PTPN13: variants seen among roughly 807,000 people sequenced by gnomAD.
The protein encoded by PTPN13 is protein tyrosine phosphatase non-receptor type 13, also known as tyrosine-protein phosphatase non-receptor type 13.
In PTPN13, 191 loss-of-function variants were observed where a neutral mutation model predicts 284.0. That is an observed-to-expected ratio of 0.67 (90% CI 0.60 to 0.76). The LOEUF (loss-of-function observed/expected upper bound fraction) is 0.76. PTPN13 is among the 30% of genes least tolerant of loss of function. The pLI is 0.00. For missense variants in PTPN13, 2,797 were observed against 2,939.9 expected, an observed-to-expected ratio of 0.95 and a Z score of 1.12; for synonymous variants, 986 against 1,022.3, an observed-to-expected ratio of 0.96 and a Z score of 0.68.
intron 2 of PTPN13, among the ~76,000 whole-genome samples, chr4:86,640,355 A>T (rs1355293052): frequency 6.6e-6 from 1 of 152,190 alleles, no homozygotes; most frequent in Non-Finnish European, 1.5e-5. Context: ...AATATACAGG[A>T]TGTAGCTATA....
intron 1 of PTPN13, among the ~76,000 whole-genome samples, chr4:86,611,898 ACAAGG>A (rs1719929392): frequency 1.3e-5 from 2 of 152,254 alleles, no homozygotes; most frequent in African/African-American, 4.8e-5. Flanking sequence ...CAGAGGCCTG[ACAAGG>A]AACCACACAA....
chr4:86,813,691 T>C (rs1745480801), intron 47 of PTPN13, among the ~76,000 whole-genome samples: 1 of 152,166 alleles, frequency 6.6e-6, no homozygotes, highest in Admixed American at 6.5e-5. Context: ...CCTCTGAGAT[T>C]ACAGGCATGA....
At chr4:86,668,762 A>ATTTT (rs776320959) in intron 2 of PTPN13, among the ~76,000 whole-genome samples, 3 of 112,304 alleles carry the variant, frequency 2.7e-5, no homozygotes, top group Non-Finnish European at 3.6e-5. Flanking sequence ...CGCCCAGCTA[A>ATTTT]TTTTTTTTTT....
At chr4:86,648,046 A>G (rs1724637118) in intron 2 of PTPN13, among the ~76,000 whole-genome samples, 1 of 152,190 alleles carries the variant, frequency 6.6e-6, no homozygotes, top group Admixed American at 6.5e-5. Flanking sequence ...TAAATTTAAA[A>G]TCTCAATGGA....
chr4:86,601,448 G>A (rs1426285664), intron 1 of PTPN13, among the ~76,000 whole-genome samples: 1 of 152,046 alleles, frequency 6.6e-6, no homozygotes, highest in South Asian at 2.1e-4. Context: ...ACAGTTTGTG[G>A]CATATAATTC....
intron 1 of PTPN13, among the ~76,000 whole-genome samples, chr4:86,612,061 T>C (rs1719957557): frequency 6.6e-6 from 1 of 152,220 alleles, no homozygotes; most frequent in African/African-American, 2.4e-5. Flanking sequence ...TAATTAGCCC[T>C]AGACTGAGTA....
At position 86,615,874 on chromosome 4, in the gene PTPN13, G is replaced by C. The variant is rs1168801350; in HGVS notation, c.-5-19378G>C. The stretch of plus-strand genomic sequence containing the variant: ...CCTACTCTCTTCCCCAATGGAAACA[G>C]TTCCAGCTATTTCTAAGTCATAGGC... On this transcript the variant is annotated intron_variant, in intron 1 of 47. Coordinates refer to ENST00000411767, the MANE Select transcript of PTPN13 (RefSeq NM_080683.3). Among the ~76,000 whole-genome samples, 3 of 152,118 alleles carry C rather than the reference G, an allele frequency of 2.0e-5. 1 individual carries two copies. Among genetic ancestry groups the C allele is most frequent in the African/African-American group, 7.2e-5 (3 of 41,430 alleles).
At chr4:86,644,972 C>T (rs1471429125) in intron 2 of PTPN13, among the ~76,000 whole-genome samples, 1 of 152,112 alleles carries the variant, frequency 6.6e-6, no homozygotes, top group African/African-American at 2.4e-5. Flanking sequence ...CTTTGGGAGG[C>T]TGAGGCAGAA....
At chr4:86,681,785 G>T (rs1359996780) in intron 3 of PTPN13, among the ~76,000 whole-genome samples, 2 of 152,042 alleles carry the variant, frequency 1.3e-5, no homozygotes, top group African/African-American at 4.8e-5. Context: ...AACATTAGCT[G>T]GGCATGGTGG....
At chr4:86,798,588 G>A (rs545925711) in intron 41 of PTPN13, among the ~76,000 whole-genome samples, 41 of 152,286 alleles carry the variant, frequency 2.7e-4, no homozygotes, top group African/African-American at 9.6e-4. Context: ...GAGGGCATCT[G>A]TTATGCACTC....
chr4:86,718,867 A>G (rs1338646428), intron 9 of PTPN13, among the ~76,000 whole-genome samples: 2 of 152,180 alleles, frequency 1.3e-5, no homozygotes, highest in Non-Finnish European at 2.9e-5. Context: ...AAAGCAATCT[A>G]TATTTGCATA....
In PTPN13 at chr4:86,775,632, A is replaced by G. The variant is rs1358448947; in HGVS notation, c.5871A>G (p.Ser1957=). The change falls in exon 35 of 48, where the codon TCA becomes TCG. Residue 1957 remains serine (S), a synonymous_variant. Coordinates refer to ENST00000411767, the MANE Select transcript of PTPN13 (RefSeq NM_080683.3). ...GAGCATTAGACATGTCACTTCCTTCATTGGTATTGAAAGCAACAAGGTACT... is the reference window on the plus strand; with the variant it reads ...GAGCATTAGACATGTCACTTCCTTCGTTGGTATTGAAAGCAACAAGGTACT... ...VNRALDMSLP[S]LVLKATRNDL... is the part of the protein sequence containing the mutation. 6.2e-7 allele frequency: 1 copy of G among 1,611,780 alleles called. No homozygotes were observed. Among genetic ancestry groups the G allele is most frequent in the Non-Finnish European group, 8.5e-7 (1 of 1,178,948 alleles).
In PTPN13 at chr4:86,609,056, C is replaced by T. The variant is rs1048203756; in HGVS notation, c.-6+14267C>T. Among the ~76,000 whole-genome samples the T allele has an allele frequency of 2.6e-5, 4 of 152,254 alleles. No individual in the cohort carries two copies. In the East Asian group the frequency reaches 7.7e-4, roughly 29 times the overall value. On this transcript the variant is annotated intron_variant, in intron 1 of 47. Coordinates refer to ENST00000411767, the MANE Select transcript of PTPN13 (RefSeq NM_080683.3). ...TAGTTTATCACATGGTTTTAGAATTCATTCACAATTGGTTGCCATTTGCTC... is the reference window on the plus strand; with the variant it reads ...TAGTTTATCACATGGTTTTAGAATTTATTCACAATTGGTTGCCATTTGCTC...
chr4:86,799,071 A>G, intron 41 of PTPN13, 30 bp from the exon 42 acceptor site: 1 of 1,348,248 alleles, frequency 7.4e-7, no homozygotes, highest in Non-Finnish European at 1.0e-6. Context: ...AAAATGAAGA[A>G]AATGTTTCAA....
At chr4:86,753,735 A>G (rs1439388471) in intron 20 of PTPN13, among the ~76,000 whole-genome samples, 1 of 152,100 alleles carries the variant, frequency 6.6e-6, no homozygotes, top group Non-Finnish European at 1.5e-5. Flanking sequence ...TTTCATATAC[A>G]TTATCTTATT....
At chr4:86,779,334 G>A (rs951663938) in intron 35 of PTPN13, among the ~76,000 whole-genome samples, 7 of 151,634 alleles carry the variant, frequency 4.6e-5, no homozygotes, top group East Asian at 1.9e-4. Context: ...GGAGAATGGC[G>A]TGAACCCGGG....
Position 86,788,715 on chromosome 4 carries a change from A to G in PTPN13, c.6345+2779A>G, listed in dbSNP as rs147337899. Among the ~76,000 whole-genome samples, 338 of 152,322 alleles carry G rather than the reference A, an allele frequency of 2.2e-3. 1 individual carries two copies. The highest frequency in any genetic ancestry group is 7.9e-3 in the African/African-American group (327 of 41,588). ...TCTACAGTTTCAAAACCATTCAGCT[A>G]TTGAACTCATCTGACTAATTTTGCT... On this transcript the variant is annotated intron_variant, in intron 40 of 47. Transcript: ENST00000411767.
At chr4:86,639,914 C>G (rs968484113) in intron 2 of PTPN13, among the ~76,000 whole-genome samples, 11 of 151,988 alleles carry the variant, frequency 7.2e-5, no homozygotes, top group Admixed American at 3.3e-4. Context: ...TGTGTTTTAA[C>G]AAGCCCTCAA....
intron 26 of PTPN13, among the ~76,000 whole-genome samples, chr4:86,766,110 G>A (rs183348856): frequency 2.7e-5 from 4 of 147,522 alleles, no homozygotes; most frequent in East Asian, 2.1e-4. Flanking sequence ...TTACAGGCGT[G>A]AGCCTCTGAG....
Sources: gnomAD v4.1 joint callset for allele counts (sites outside exome capture counted in the v4.1 genomes callset) on GRCh38, gnomAD v4.1.1 for gene constraint, MANE v1.5 for transcripts, NCBI Gene and HGNC (gene_info 2026-07-23, HGNC 2026-07-21) for gene names.